NUP42: variants seen among roughly 807,000 people sequenced by gnomAD.
The protein encoded by NUP42 is nucleoporin 42.
Under a neutral mutation model 35.9 loss-of-function variants are expected in NUP42, and 47 were observed. That is an observed-to-expected ratio of 1.31 (90% CI 1.04 to 1.67). NUP42 has a LOEUF of 1.67. Ranked by LOEUF, NUP42 falls within the 40% of genes most tolerant of loss-of-function variation. The probability of loss-of-function intolerance (pLI) is 0.00; values close to 1 mark genes in which losing one functional copy is unlikely to be tolerated. For synonymous variants in NUP42, 173 were observed against 173.3 expected, an observed-to-expected ratio of 1.00 and a Z score of 0.01; for missense variants, 514 against 492.2, an observed-to-expected ratio of 1.04 and a Z score of -0.42.
chr7:23,186,444 T>G (rs1469062457), intron 2 of NUP42, among the ~76,000 whole-genome samples: 2 of 152,200 alleles, frequency 1.3e-5, no homozygotes, highest in Non-Finnish European at 2.9e-5. Context: ...GGGAGAAACT[T>G]TAATTTAGAG....
At chr7:23,195,799 G>A (rs1046322225) in intron 3 of NUP42, 40 bp from the exon 4 acceptor site, 14 of 1,284,586 alleles carry the variant, frequency 1.1e-5, no homozygotes, top group Admixed American at 5.6e-5. Flanking sequence ...CAAAATTATT[G>A]GCATTTATTT....
At chr7:23,185,446 T>A in intron 2 of NUP42, 148 bp downstream of exon 2, 1 of 646,910 alleles carries the variant, frequency 1.5e-6, no homozygotes, top group Non-Finnish European at 2.6e-6. Context: ...TAAATCAGAG[T>A]AGCAAAAAGA....
chr7:23,192,311 T>C (rs1785819846), intron 3 of NUP42, among the ~76,000 whole-genome samples: 1 of 151,956 alleles, frequency 6.6e-6, no homozygotes, highest in African/African-American at 2.4e-5. Context: ...TTTGGGAGGC[T>C]GAGGCGGGTG....
chr7:23,200,252 G>A lies in NUP42; in HGVS notation c.779G>A (p.Gly260Glu). 1 of 1,603,468 alleles carries A rather than the reference G, an allele frequency of 6.2e-7. No homozygotes were observed. Among genetic ancestry groups the A allele is most frequent in the Non-Finnish European group, 8.5e-7 (1 of 1,173,438 alleles). Reference protein sequence around the residue: ...TNSGFAAASSGSPAGFGSSPA... With the variant: ...TNSGFAAASSESPAGFGSSPA... ...TCTGGATTTGCTGCTGCCTCTTCTG[G>A]AAGCCCTGCTGGTTTTGGGAGTTCC... Residue 260 changes from glycine to glutamate, a missense_variant, in exon 7 of 7, where the codon GGA (glycine) becomes GAA (glutamate). Transcript: ENST00000258742.
In NUP42 at chr7:23,185,292, A is replaced by G. The variant is rs1785553773; in HGVS notation, c.344A>G (p.Lys115Arg). 1 of 1,603,624 alleles carries G rather than the reference A, an allele frequency of 6.2e-7. No homozygotes were observed. The highest frequency in any genetic ancestry group is 1.3e-5 in the African/African-American group (1 of 74,682). Residue 115 changes from lysine to arginine, a missense_variant, in exon 2 of 7, where the codon AAA becomes AGA. By Grantham distance (26) the Lys-to-Arg change is conservative. Transcript: ENST00000258742. ...CCTGATGAGCAGAAAGATGAAAAGAAACTTCTGTAAGTGAAAGTTTTCAGG... is the reference window on the plus strand; with the variant it reads ...CCTGATGAGCAGAAAGATGAAAAGAGACTTCTGTAAGTGAAAGTTTTCAGG... ...LSPDEQKDEK[K>R]LLEGIVKDME...
chr7:23,188,908 G>T (rs1022355690), intron 3 of NUP42, among the ~76,000 whole-genome samples: 1 of 152,336 alleles, frequency 6.6e-6, no homozygotes, highest in Non-Finnish European at 1.5e-5. Flanking sequence ...ATTACTAGTA[G>T]ATGTCACAAT....
At chr7:23,197,781 A>C (rs923079631) in intron 5 of NUP42, among the ~76,000 whole-genome samples, 7 of 152,142 alleles carry the variant, frequency 4.6e-5, no homozygotes, top group African/African-American at 1.7e-4. Context: ...GTATGGATAT[A>C]ATTTGTTTAT....
chr7:23,197,242 A>G (rs1465864302), intron 5 of NUP42: 2 of 1,290,208 alleles, frequency 1.6e-6, no homozygotes, highest in Non-Finnish European at 2.0e-6. Flanking sequence ...CAAGTTCATT[A>G]TCTTTGTAAA....
At chr7:23,188,273 C>T in intron 3 of NUP42, 1 of 1,228,394 alleles carries the variant, frequency 8.1e-7, no homozygotes, top group Non-Finnish European at 1.0e-6. Context: ...CAAATATTTA[C>T]TGAATTTCTT....
At chr7:23,184,415 GTTTATGA>G (rs1235077476) in intron 1 of NUP42, among the ~76,000 whole-genome samples, 4 of 152,124 alleles carry the variant, frequency 2.6e-5, no homozygotes, top group African/African-American at 9.7e-5. Context: ...TCCTGAAGGA[GTTTATGA>G]TTTATGATGC....
chr7:23,196,602 A>G (rs1221103041), intron 4 of NUP42, 78 bp from the exon 5 acceptor site: 1 of 1,036,864 alleles, frequency 9.6e-7, no homozygotes, highest in Admixed American at 2.1e-5. Flanking sequence ...TTGGCAAAGA[A>G]GTATGTGAAG....
intron 3 of NUP42, chr7:23,195,364 G>T (rs1293166318): frequency 6.6e-6 from 1 of 151,942 alleles, no homozygotes; most frequent in South Asian, 2.1e-4. Context: ...GATTTTTTTT[G>T]TGTGTGAATT....
At chr7:23,182,552 T>C (rs1731739874) in intron 1 of NUP42, 1 of 1,014,440 alleles carries the variant, frequency 9.9e-7, no homozygotes, top group Non-Finnish European at 1.2e-6. Context: ...GGCTAGCAGC[T>C]TGGGTCAGAA....
intron 3 of NUP42, among the ~76,000 whole-genome samples, chr7:23,193,581 G>C (rs1462707475): frequency 6.6e-6 from 1 of 152,228 alleles, no homozygotes; most frequent in East Asian, 1.9e-4. Context: ...GCTAGACACA[G>C]AGTGCTGATT....
intron 1 of NUP42, among the ~76,000 whole-genome samples, chr7:23,182,833 G>T (rs1785460953): frequency 6.7e-6 from 1 of 149,168 alleles, no homozygotes; most frequent in Non-Finnish European, 1.5e-5. Context: ...AGAATCGCTT[G>T]AACCCGGGAG....
chr7:23,192,515 C>G (rs1785829755), intron 3 of NUP42, among the ~76,000 whole-genome samples: 1 of 147,434 alleles, frequency 6.8e-6, no homozygotes, highest in Non-Finnish European at 1.5e-5. Context: ...CCACTGCACT[C>G]CAGCCTGGGC....
intron 1 of NUP42, among the ~76,000 whole-genome samples, chr7:23,182,742 CAAAA>C (rs60397960): frequency 5.4e-5 from 4 of 74,154 alleles, no homozygotes; most frequent in African/African-American, 1.8e-4. Flanking sequence ...CTAAAAATAC[CAAAA>C]AAAAAAAAAA....
intron 1 of NUP42, among the ~76,000 whole-genome samples, chr7:23,183,210 T>TC (rs1785475629): frequency 6.6e-6 from 1 of 152,138 alleles, no homozygotes; most frequent in African/African-American, 2.4e-5. Context: ...CTCCCTTCCT[T>TC]CCCCTCCTTT....
rs756629154 is a variant in NUP42 at position 23,200,693 on chromosome 7, C to T, written c.1220C>T (p.Thr407Ile). The T allele has an allele frequency of 2.5e-6, 4 of 1,608,606 alleles. No individual in the cohort carries two copies. In the South Asian group the frequency reaches 4.5e-5, roughly 18 times the overall value. ...GAACAATTTCAATCCAAGAAATTTACTCTGGGAAAAATTCCATTAAAGCCT... is the reference window on the plus strand; with the variant it reads ...GAACAATTTCAATCCAAGAAATTTATTCTGGGAAAAATTCCATTAAAGCCT... ...ELEQFQSKKF[T>I]LGKIPLKPPP... Residue 407 changes from threonine (T) to isoleucine (I), a missense_variant, in exon 7 of 7, where the codon ACT (threonine) becomes ATT (isoleucine). Transcript: ENST00000258742.
Sources: allele counts gnomAD v4.1 joint callset (sites outside exome capture counted in the v4.1 genomes callset), GRCh38; gene constraint gnomAD v4.1.1; transcripts MANE v1.5; gene names NCBI Gene and HGNC (gene_info 2026-07-23, HGNC 2026-07-21).